RPL5: variants seen among roughly 807,000 people sequenced by gnomAD.
The protein encoded by RPL5 is ribosomal protein L5, also known as large ribosomal subunit protein uL18.
RPL5 carries 1 observed loss-of-function variant against 38.4 expected under a neutral mutation model. The observed-to-expected ratio is 0.03, with a 90% CI of 0.01 to 0.12. RPL5 has a LOEUF of 0.12. Ranked by LOEUF, RPL5 falls within the 10% of genes least tolerant of loss-of-function variation. The probability of loss-of-function intolerance (pLI) is 1.00; values close to 1 mark genes in which losing one functional copy is unlikely to be tolerated. For synonymous variants in RPL5, 109 were observed against 121.2 expected, an observed-to-expected ratio of 0.90 and a Z score of 0.66; for missense variants, 243 against 374.1, an observed-to-expected ratio of 0.65 and a Z score of 2.89.
intron 6 of RPL5, among the ~76,000 whole-genome samples, chr1:92,838,436 A>G (rs765065458): frequency 6.6e-6 from 1 of 152,220 alleles, no homozygotes; most frequent in African/African-American, 2.4e-5. Flanking sequence ...TTCCTAACCT[A>G]TATCTTTATG....
intron 5 of RPL5, chr1:92,837,122 C>T: frequency 2.5e-6 from 1 of 400,034 alleles, no homozygotes; most frequent in Non-Finnish European, 4.8e-6. Context: ...TCACTTATTC[C>T]CATGTACCCA....
intron 6 of RPL5, among the ~76,000 whole-genome samples, chr1:92,838,751 ATGACTATATATGAAG>A (rs1462532595): frequency 6.6e-6 from 1 of 152,208 alleles, no homozygotes. Flanking sequence ...GATTTGTTGA[ATGACTATATATGAAG>A]TCATCAAATG....
Position 92,836,472 on chromosome 1 carries a change from G to A in RPL5, c.527+80G>A, listed in dbSNP as rs1175471407. On this transcript the variant is annotated intron_variant, in intron 5 of 7. Coordinates refer to ENST00000370321, the MANE Select transcript of RPL5 (RefSeq NM_000969.5). Reference sequence around the variant, plus strand: ...AACTAGTTGGACTGTGGAGATAACCGAATTAAAGTAGCTATCAATTGAATG... The same window carrying A: ...AACTAGTTGGACTGTGGAGATAACCAAATTAAAGTAGCTATCAATTGAATG... 1.9e-5 allele frequency: 24 copies of A among 1,296,428 alleles called. No individual in the cohort carries two copies. The East Asian group carries it at 3.0e-4, about 16-fold the overall frequency. The allele number at this position is 1,296,428 out of a possible 1,614,324, so 80.3% of individuals were successfully genotyped here.
intron 6 of RPL5, 75 bp downstream of exon 6, chr1:92,837,708 T>A (rs1687183194): frequency 2.5e-6 from 3 of 1,217,816 alleles, no homozygotes; most frequent in Non-Finnish European, 2.4e-6. Context: ...TGGGGGCAGG[T>A]AACATTCTTA....
At chr1:92,832,246 G>A in intron 1 of RPL5, 129 bp downstream of exon 1, 1 of 1,445,610 alleles carries the variant, frequency 6.9e-7, no homozygotes, top group Non-Finnish European at 9.5e-7. Context: ...CTCTGACTTG[G>A]TCGAGGTGCA....
rs528939210 is a variant in RPL5, at chr1:92,837,514, C to T, written c.586C>T (p.Arg196Trp). 41 of 1,612,426 alleles carry T rather than the reference C, an allele frequency of 2.5e-5. No homozygotes were observed. The South Asian group carries it at 2.9e-4, about 11-fold the overall frequency. ...CAAGGAATTTAATGCAGAAGTACATCGGAAGCACATCATGGGCCAGAATGT... is the reference window on the plus strand; with the variant it reads ...CAAGGAATTTAATGCAGAAGTACATTGGAAGCACATCATGGGCCAGAATGT... ...ESKEFNAEVH[R>W]KHIMGQNVAD... The change falls in exon 6 of 8, where the codon CGG becomes TGG. Residue 196 changes from arginine (R) to tryptophan (W), a missense_variant. Arg to Trp is a moderately radical substitution (Grantham distance 101). Coordinates refer to ENST00000370321, the MANE Select transcript of RPL5 (RefSeq NM_000969.5).
rs1687316143 is a variant in RPL5 at position 92,840,591 on chromosome 1, A to G, written c.746A>G (p.Glu249Gly). ...MYKKAHAAIR[E>G]NPVYEKKPKK... ...AAGAAAGCTCATGCTGCTATACGAG[A>G]GAATCCAGTCTATGAAAAGAAGCCC... is the stretch of plus-strand genomic sequence containing the variant. The change falls in exon 7 of 8, where the codon GAG becomes GGG. Residue 249 changes from glutamate to glycine, a missense_variant. Transcript: ENST00000370321. 6.2e-7 allele frequency: 1 copy of G among 1,612,938 alleles called. No individual in the cohort carries two copies. Among genetic ancestry groups the G allele is most frequent in the African/African-American group, 1.3e-5 (1 of 74,916 alleles).
chr1:92,832,037 G>T (rs1056901437), upstream of RPL5: 50 of 1,601,966 alleles, frequency 3.1e-5, no homozygotes, highest in South Asian at 5.4e-4. Context: ...CAAGGGCTGT[G>T]GCCCTTTTCC....
At position 92,833,163 on chromosome 1, in the gene RPL5, C is replaced by T. The variant is rs1226838265; in HGVS notation, c.4-226C>T. The T allele has an allele frequency of 7.6e-6, 5 of 654,902 alleles. No homozygotes were observed. In the African/African-American group the frequency reaches 9.1e-5, roughly 12 times the overall value. The allele number at this position is 654,902 out of a possible 1,614,324, so 40.6% of individuals were successfully genotyped here. A position where few individuals can be genotyped will look rare whatever the true frequency, so the allele number is the denominator to read the frequency against. On this transcript the variant is annotated intron_variant, in intron 1 of 7. Coordinates refer to ENST00000370321, the MANE Select transcript of RPL5 (RefSeq NM_000969.5). ...TGTATGTTTCTTTTATTCCATATTT[C>T]TCTAAGGATTCATTTTTATTGTTTT...
In RPL5 at chr1:92,832,084, G is replaced by T. The variant is rs374750719; in HGVS notation, c.-31G>T. The T allele has an allele frequency of 6.5e-5, 105 of 1,613,742 alleles. No individual in the cohort carries two copies. Among genetic ancestry groups the T allele is most frequent in the Non-Finnish European group, 8.5e-5 (100 of 1,179,902 alleles). On this transcript the variant is annotated 5_prime_UTR_variant, in exon 1 of 8. Transcript: ENST00000370321. ...GCCGCTGGGCCTGCAGGTCTCTGTCGAGCAGCGGACGCCGGTCTCTGTTCC... is the reference window on the plus strand; with the variant it reads ...GCCGCTGGGCCTGCAGGTCTCTGTCTAGCAGCGGACGCCGGTCTCTGTTCC...
chr1:92,833,257 C>T, intron 1 of RPL5, 132 bp from the exon 2 acceptor site: 2 of 757,610 alleles, frequency 2.6e-6, no homozygotes, highest in Non-Finnish European at 2.3e-6. Flanking sequence ...CTTGTGAAAC[C>T]TGGGATTCTA....
At chr1:92,836,557 C>A in intron 5 of RPL5, 165 bp downstream of exon 5, 1 of 662,040 alleles carries the variant, frequency 1.5e-6, no homozygotes, top group Non-Finnish European at 2.7e-6. Flanking sequence ...GGAATTATAG[C>A]CCATTTTATA....
intron 5 of RPL5, 162 bp downstream of exon 5, chr1:92,836,554 T>C (rs1027863236): frequency 4.5e-6 from 3 of 666,806 alleles, no homozygotes; most frequent in Non-Finnish European, 7.9e-6. Flanking sequence ...GAAGGAATTA[T>C]AGCCCATTTT....
intron 4 of RPL5, among the ~76,000 whole-genome samples, chr1:92,835,660 C>CAAAA (rs11417383): frequency 3.2e-5 from 4 of 123,398 alleles, no homozygotes; most frequent in Admixed American, 8.7e-5. Flanking sequence ...AACTGTGTCT[C>CAAAA]AAAAAAAAAA....
chr1:92,839,432 C>T (rs181221408), intron 6 of RPL5, among the ~76,000 whole-genome samples: 3 of 152,082 alleles, frequency 2.0e-5, no homozygotes, highest in Non-Finnish European at 4.4e-5. Context: ...TCTTTCTGGT[C>T]TAGAGGCCTT....
chr1:92,832,144 T>C (rs1686930938), intron 1 of RPL5, 27 bp downstream of exon 1: 1 of 1,613,790 alleles, frequency 6.2e-7, no homozygotes, highest in Non-Finnish European at 8.5e-7. Context: ...GTCTCGGGGC[T>C]TTAGATGCAT....
chr1:92,835,871 T>C (rs1272490715), intron 4 of RPL5, among the ~76,000 whole-genome samples: 1 of 152,170 alleles, frequency 6.6e-6, no homozygotes, highest in Non-Finnish European at 1.5e-5. Flanking sequence ...TATAAACATG[T>C]TTTAATGGAG....
chr1:92,832,799 C>T (rs1686961479), intron 1 of RPL5: 2 of 567,162 alleles, frequency 3.5e-6, no homozygotes, highest in Admixed American at 3.2e-5. Flanking sequence ...GGGAACAGTG[C>T]TGTTTTAGTG....
At chr1:92,837,305 C>A in intron 5 of RPL5, 151 bp from the exon 6 acceptor site, 1 of 786,560 alleles carries the variant, frequency 1.3e-6, no homozygotes, top group South Asian at 1.4e-5. Context: ...TGATGATATC[C>A]CACTAACTGA....
Sources: allele counts gnomAD v4.1 joint callset (sites outside exome capture counted in the v4.1 genomes callset), GRCh38; gene constraint gnomAD v4.1.1; transcripts MANE v1.5; gene names NCBI Gene and HGNC (gene_info 2026-07-23, HGNC 2026-07-21).